Variants in ADAMTSL1 observed in about 807,000 individuals in gnomAD.
ADAMTSL1 encodes the protein ADAMTS like 1.
In ADAMTSL1, 126 loss-of-function variants were observed where a neutral mutation model predicts 201.8. The ratio of observed to expected loss-of-function variants is 0.62; its 90% confidence interval spans 0.54 to 0.72. ADAMTSL1 has a LOEUF of 0.72. Ranked by LOEUF, ADAMTSL1 falls within the 30% of genes least tolerant of loss-of-function variation. ADAMTSL1 has a pLI of 0.00. For missense variants in ADAMTSL1, 2,679 were observed against 2,277.8 expected (o/e 1.18, Z -3.59); for synonymous variants, 1,121 against 903.4 (o/e 1.24, Z -4.32).
At chr9:17,940,361 G>A (rs13294741) in intron 1 of ADAMTSL1, among the ~76,000 whole-genome samples, 14,380 of 152,070 alleles carry the variant, frequency 0.095, 824 homozygotes, top group South Asian at 0.19. Flanking sequence ...TGGCAGCAAG[G>A]AACGGAAAGG....
chr9:18,575,742 A>C (rs894333581), intron 4 of ADAMTSL1, among the ~76,000 whole-genome samples: 2 of 152,340 alleles, frequency 1.3e-5, no homozygotes, highest in African/African-American at 4.8e-5. Flanking sequence ...TGAGGACCAG[A>C]AAATATGCTT....
rs895631376 is a variant in ADAMTSL1 at position 18,407,086 on chromosome 9, C to T, written c.208-97743C>T. Among the ~76,000 whole-genome samples, 7 of 152,300 alleles carry T rather than the reference C, an allele frequency of 4.6e-5. No homozygotes were observed. The South Asian group carries it at 6.2e-4, about 14-fold the overall frequency. On this transcript the variant is annotated intron_variant, in intron 2 of 29. Coordinates refer to the ADAMTSL1 transcript ENST00000680146. ...GAAATCAAATCCCACCTCTATGGCA[C>T]TTTGCTGTCCAATGGAGCCCATATT...
intron 23 of ADAMTSL1, among the ~76,000 whole-genome samples, chr9:18,863,496 A>T (rs80166871): frequency 0.011 from 1,705 of 152,312 alleles, 41 homozygotes; most frequent in African/African-American, 0.039. Flanking sequence ...CATGGGAATC[A>T]TCTTGGCCCA....
chr9:18,018,135 C>A (rs10810885), intron 1 of ADAMTSL1, among the ~76,000 whole-genome samples: 1 of 151,982 alleles, frequency 6.6e-6, no homozygotes, highest in East Asian at 1.9e-4. Context: ...TATGTGCACT[C>A]AAAAGCCTAA....
intron 2 of ADAMTSL1, among the ~76,000 whole-genome samples, chr9:18,392,519 C>G (rs1229521811): frequency 6.6e-6 from 1 of 152,200 alleles, no homozygotes; most frequent in African/African-American, 2.4e-5. Flanking sequence ...ACAGTTTTCC[C>G]TGCTGATAGC....
At chr9:18,628,485 T>G (rs1427251102) in intron 5 of ADAMTSL1, among the ~76,000 whole-genome samples, 1 of 152,212 alleles carries the variant, frequency 6.6e-6, no homozygotes, top group Admixed American at 6.5e-5. Flanking sequence ...GGCTTTAAGG[T>G]AAATCTTAAA....
intron 2 of ADAMTSL1, among the ~76,000 whole-genome samples, chr9:18,522,344 A>T (rs1411191673): frequency 6.6e-6 from 1 of 152,170 alleles, no homozygotes; most frequent in African/African-American, 2.4e-5. Context: ...AGAAAATGAA[A>T]AGAAGCTGAC....
intron 2 of ADAMTSL1, among the ~76,000 whole-genome samples, chr9:18,165,222 C>A (rs1014545495): frequency 1.3e-5 from 2 of 151,694 alleles, no homozygotes; most frequent in African/African-American, 2.4e-5. Flanking sequence ...TGCTGTTATG[C>A]GAAATCTGAA....
At chr9:18,356,527 TAAAAAAAAAAA>T (rs1246388028) in intron 2 of ADAMTSL1, among the ~76,000 whole-genome samples, 2 of 79,466 alleles carry the variant, frequency 2.5e-5, no homozygotes, top group East Asian at 3.8e-4. Flanking sequence ...ACCCTGTCTT[TAAAAAAAAAAA>T]AAAAAAAAAA....
intron 1 of ADAMTSL1, among the ~76,000 whole-genome samples, chr9:18,055,328 T>G (rs1054190687): frequency 7.2e-5 from 11 of 152,332 alleles, no homozygotes; most frequent in Non-Finnish European, 1.3e-4. Context: ...AGCATTTGTT[T>G]ATAATCATCT....
rs552133885 is a variant in ADAMTSL1, at chr9:18,250,475, C to G, written c.207+86494C>G. Among the ~76,000 whole-genome samples the G allele has an allele frequency of 1.5e-3, 221 of 152,194 alleles. 1 individual carries two copies. The highest frequency in any genetic ancestry group is 4.6e-3 in the African/African-American group (189 of 41,538). On this transcript the variant is annotated intron_variant, in intron 2 of 29. Coordinates refer to the ADAMTSL1 transcript ENST00000680146. ...TGGTTGCCCTGGTTCCTGGTGAGAA[C>G]CTAAAGAATGGAAACAGAAGAAAAG...
chr9:18,894,811 C>G (rs980901013), intron 26 of ADAMTSL1, among the ~76,000 whole-genome samples: 2 of 152,030 alleles, frequency 1.3e-5, no homozygotes, highest in African/African-American at 4.8e-5. Flanking sequence ...TGGTATCACC[C>G]AGAGAGAGGG....
chr9:18,091,183 C>T (rs892411700), intron 1 of ADAMTSL1, among the ~76,000 whole-genome samples: 2 of 151,514 alleles, frequency 1.3e-5, no homozygotes, highest in Non-Finnish European at 2.9e-5. Context: ...GTTTTTTGTT[C>T]TTGGTATCAC....
chr9:18,794,726 C>G (rs1055043066), intron 19 of ADAMTSL1, among the ~76,000 whole-genome samples: 1 of 152,048 alleles, frequency 6.6e-6, no homozygotes, highest in East Asian at 1.9e-4. Context: ...CTCTGCCCCC[C>G]ACGTTCAAGT....
At chr9:18,597,301 G>T (rs1409288243) in intron 4 of ADAMTSL1, among the ~76,000 whole-genome samples, 1 of 152,172 alleles carries the variant, frequency 6.6e-6, no homozygotes, top group East Asian at 1.9e-4. Flanking sequence ...CTGTATTCTA[G>T]GCTAGGAGTA....
chr9:17,909,283 C>A (rs1163924541), intron 1 of ADAMTSL1, among the ~76,000 whole-genome samples: 2 of 147,412 alleles, frequency 1.4e-5, no homozygotes, highest in Non-Finnish European at 3.0e-5. Flanking sequence ...CCTGTTCACT[C>A]TGATGGTAGT....
intron 5 of ADAMTSL1, among the ~76,000 whole-genome samples, chr9:18,635,205 A>G (rs1587755768): frequency 6.6e-6 from 1 of 152,072 alleles, no homozygotes; most frequent in East Asian, 1.9e-4. Context: ...GGAGTTCTGA[A>G]TAAGAATGCC....
chr9:18,541,804 T>C (rs1474448307), intron 3 of ADAMTSL1, among the ~76,000 whole-genome samples: 2 of 152,200 alleles, frequency 1.3e-5, no homozygotes, highest in Admixed American at 1.3e-4. Context: ...TGGAAACAAA[T>C]GGAGGATGGC....
chr9:18,723,177 T>A (rs1817651310), intron 15 of ADAMTSL1: 1 of 712,104 alleles, frequency 1.4e-6, no homozygotes, highest in Non-Finnish European at 2.6e-6. Flanking sequence ...TTGTACCTGA[T>A]GATCTGAGAT....
Sources: allele counts gnomAD v4.1 joint callset (sites outside exome capture counted in the v4.1 genomes callset), GRCh38; gene constraint gnomAD v4.1.1; transcripts MANE v1.5; gene names NCBI Gene and HGNC (gene_info 2026-07-23, HGNC 2026-07-21).